The following CSMD1 variants were observed in gnomAD, a reference collection of about 807,000 sequenced individuals.
The protein encoded by CSMD1 is CUB and sushi domain-containing protein 1.
In CSMD1, 213 loss-of-function variants were observed where a neutral mutation model predicts 417.5. That is an observed-to-expected ratio of 0.51 (90% CI 0.46 to 0.57). The LOEUF (loss-of-function observed/expected upper bound fraction) is 0.57, where lower values mean the gene tolerates loss of function less well. Ranked by LOEUF, CSMD1 falls within the 20% of genes least tolerant of loss-of-function variation. The probability of loss-of-function intolerance (pLI) is 0.00; values close to 1 mark genes in which losing one functional copy is unlikely to be tolerated. For missense variants in CSMD1, 6,923 were observed against 4,529.7 expected (o/e 1.53, Z -15.17); for synonymous variants, 2,862 against 1,736.8 (o/e 1.65, Z -16.11).
intron 3 of CSMD1, among the ~76,000 whole-genome samples, chr8:4,186,593 C>G (rs754262879): frequency 2.0e-5 from 3 of 152,140 alleles, no homozygotes; most frequent in Non-Finnish European, 4.4e-5. Context: ...TTGCTAATGT[C>G]AAATCAGCCC....
intron 49 of CSMD1, among the ~76,000 whole-genome samples, chr8:3,063,457 A>G (rs774262409): frequency 6.6e-5 from 10 of 152,250 alleles, no homozygotes; most frequent in Non-Finnish European, 1.5e-4. Context: ...CAAAAAATTA[A>G]AAATAGAATT....
chr8:4,728,876 G>A (rs907595209), intron 1 of CSMD1, among the ~76,000 whole-genome samples: 3 of 152,144 alleles, frequency 2.0e-5, no homozygotes, highest in Admixed American at 2.0e-4. Flanking sequence ...GGGAAGGGGA[G>A]AATTATTGGA....
intron 7 of CSMD1, among the ~76,000 whole-genome samples, chr8:3,619,322 C>T (rs1486140306): frequency 6.6e-6 from 1 of 152,062 alleles, no homozygotes; most frequent in Non-Finnish European, 1.5e-5. Context: ...AATTAGTGAA[C>T]ATTTTCTACC....
chr8:3,687,174 G>A (rs573163324), intron 7 of CSMD1, among the ~76,000 whole-genome samples: 3 of 152,222 alleles, frequency 2.0e-5, no homozygotes, highest in Non-Finnish European at 4.4e-5. Flanking sequence ...ACGCACCTCC[G>A]TGCAGCTCAT....
intron 3 of CSMD1, among the ~76,000 whole-genome samples, chr8:4,372,016 G>C (rs924997839): frequency 1.3e-5 from 2 of 152,056 alleles, no homozygotes; most frequent in African/African-American, 4.8e-5. Flanking sequence ...CAAAGGTTCA[G>C]CACGATATAG....
intron 4 of CSMD1, among the ~76,000 whole-genome samples, chr8:4,007,621 T>C (rs1816229086): frequency 1.3e-5 from 2 of 152,214 alleles, no homozygotes; most frequent in Non-Finnish European, 1.5e-5. Context: ...AGCCTGTTCT[T>C]GCACTTGCGT....
chr8:3,556,415 T>TATATATATATACATACATACATA (rs1799148435), intron 10 of CSMD1, among the ~76,000 whole-genome samples: 1 of 57,102 alleles, frequency 1.8e-5, no homozygotes, highest in African/African-American at 6.2e-5. Context: ...ATATATATAT[T>TATATATATATACATACATACATA]CACACACACA....
chr8:4,557,121 G>A (rs1231033934), intron 2 of CSMD1, among the ~76,000 whole-genome samples: 2 of 152,154 alleles, frequency 1.3e-5, no homozygotes. Context: ...GCCATATCCT[G>A]GGTGATTTGT....
intron 25 of CSMD1, among the ~76,000 whole-genome samples, chr8:3,304,200 T>C (rs1804631381): frequency 6.6e-6 from 1 of 152,148 alleles, no homozygotes; most frequent in East Asian, 1.9e-4. Context: ...TATTAAGATA[T>C]TTTAAAGAGC....
intron 27 of CSMD1, among the ~76,000 whole-genome samples, chr8:3,226,551 C>G (rs1264651447): frequency 7.1e-6 from 1 of 141,772 alleles, no homozygotes; most frequent in African/African-American, 2.6e-5. Flanking sequence ...CACTGCACTC[C>G]AGCTTATGTG....
At chr8:3,866,573 A>G (rs1486474902) in intron 5 of CSMD1, among the ~76,000 whole-genome samples, 2 of 152,038 alleles carry the variant, frequency 1.3e-5, no homozygotes, top group Non-Finnish European at 2.9e-5. Flanking sequence ...TGGTGATGAC[A>G]CTAGCCACTG....
chr8:4,326,528 A>G (rs1585237862), intron 3 of CSMD1, among the ~76,000 whole-genome samples: 2 of 152,212 alleles, frequency 1.3e-5, no homozygotes, highest in East Asian at 3.9e-4. Context: ...GTAGTGCATA[A>G]TGAGTAATCA....
At chr8:4,643,574 G>A (rs1210662928) in intron 1 of CSMD1, among the ~76,000 whole-genome samples, 3 of 152,098 alleles carry the variant, frequency 2.0e-5, no homozygotes, top group Non-Finnish European at 4.4e-5. Flanking sequence ...GATTTTCAGT[G>A]AATTTTTTTA....
At chr8:3,699,703 C>T (rs923119446) in intron 7 of CSMD1, among the ~76,000 whole-genome samples, 1 of 152,184 alleles carries the variant, frequency 6.6e-6, no homozygotes, top group Admixed American at 6.5e-5. Context: ...ATAATTTCCC[C>T]TGGAGAAGGA....
chr8:4,214,674 G>C (rs896113028), intron 3 of CSMD1, among the ~76,000 whole-genome samples: 1 of 152,144 alleles, frequency 6.6e-6, no homozygotes, highest in Non-Finnish European at 1.5e-5. Flanking sequence ...ATGAGTATGA[G>C]TGTGTTTGGT....
chr8:2,939,937 C>A (rs545269831), intron 69 of CSMD1, among the ~76,000 whole-genome samples: 1 of 152,198 alleles, frequency 6.6e-6, no homozygotes, highest in South Asian at 2.1e-4. Flanking sequence ...TAGGGAAATG[C>A]AATCCCAGAG....
intron 15 of CSMD1, among the ~76,000 whole-genome samples, chr8:3,400,733 C>G (rs887346716): frequency 6.6e-6 from 1 of 151,592 alleles, no homozygotes; most frequent in African/African-American, 2.4e-5. Context: ...TCAGTGAACA[C>G]GGCAGTGGAA....
chr8:4,077,029 A>T (rs891492537), intron 3 of CSMD1, among the ~76,000 whole-genome samples: 2 of 152,140 alleles, frequency 1.3e-5, no homozygotes, highest in Admixed American at 1.3e-4. Flanking sequence ...AACTCTAGGT[A>T]ATTCTGTACT....
intron 1 of CSMD1, among the ~76,000 whole-genome samples, chr8:4,945,663 G>A (rs539218652): frequency 1.8e-4 from 28 of 152,210 alleles, no homozygotes; most frequent in African/African-American, 6.3e-4. Context: ...TTTTGGGAAA[G>A]GAGACTTTTT....
Sources: allele counts gnomAD v4.1 joint callset (sites outside exome capture counted in the v4.1 genomes callset), GRCh38; gene constraint gnomAD v4.1.1; transcripts MANE v1.5; gene names NCBI Gene and HGNC (gene_info 2026-07-23, HGNC 2026-07-21).